SCARA5: variants seen among roughly 807,000 people sequenced by gnomAD.
SCARA5 encodes scavenger receptor class A, member 5 (putative).
A neutral mutation model predicts 46.3 loss-of-function variants in SCARA5; 45 were observed. The ratio of observed to expected loss-of-function variants is 0.97; its 90% CI spans 0.76 to 1.24. SCARA5 has a LOEUF of 1.24. Among genes scored for constraint, SCARA5 ranks in the 50% most tolerant of loss-of-function variants. The probability of loss-of-function intolerance (pLI) is 0.00; values close to 1 mark genes in which losing one functional copy is unlikely to be tolerated. For synonymous variants in SCARA5, 333 were observed against 306.5 expected, an observed-to-expected ratio of 1.09 and a Z score of -0.90; for missense variants, 680 against 689.0, an observed-to-expected ratio of 0.99 and a Z score of 0.15.
At chr8:27,991,529 C>T (rs986029918) in intron 1 of SCARA5, among the ~76,000 whole-genome samples, 2 of 152,170 alleles carry the variant, frequency 1.3e-5, no homozygotes, top group Non-Finnish European at 2.9e-5. Context: ...CCATTAATTC[C>T]TCCTCTGAGT....
At chr8:27,891,202 T>G (rs1296998927) in intron 7 of SCARA5, among the ~76,000 whole-genome samples, 2 of 50,528 alleles carry the variant, frequency 4.0e-5, no homozygotes, top group East Asian at 3.8e-4. Context: ...TAGGTTTGTT[T>G]TTTTTTTGTT....
chr8:27,921,989 C>G lies in SCARA5; in HGVS notation c.498G>C (p.Ala166=), dbSNP rs774192374. Residue 166 remains alanine (A), a synonymous_variant, in exon 4 of 9, where the codon GCG becomes GCC. Transcript: ENST00000354914. ...LQAQAVQTEQ[A]VALLRDRTGQ... ...CCGTGCGGTCCCGCAGCAGGGCCAC[C>G]GCCTGCTCGGTCTGCACCGCCTGCG... is the stretch of plus-strand genomic sequence containing the variant. The G allele has an allele frequency of 6.4e-7, 1 of 1,552,806 alleles. No homozygotes were observed. Among genetic ancestry groups the G allele is most frequent in the African/African-American group, 1.4e-5 (1 of 72,236 alleles).
intron 3 of SCARA5, among the ~76,000 whole-genome samples, chr8:27,939,714 T>TACTC (rs1807912822): frequency 6.6e-6 from 1 of 152,188 alleles, no homozygotes; most frequent in Admixed American, 6.5e-5. Context: ...CGTGGGAGTC[T>TACTC]ACTCAGTGCC....
chr8:27,901,557 C>T lies in SCARA5; in HGVS notation c.1153+3221G>A, dbSNP rs142420410. ...AGCCTTGGCTCTCCCCCACAGAGCC[C>T]GGGTCTCAGGGATATGGTTAATGCT... On this transcript the variant is annotated intron_variant, in intron 7 of 8. Transcript: ENST00000354914. Among the ~76,000 whole-genome samples the T allele has an allele frequency of 3.3e-4, 50 of 152,214 alleles. 1 individual carries two copies. In the East Asian group the frequency reaches 9.3e-3, roughly 28 times the overall value.
chr8:27,979,238 T>A (rs1808577354), intron 2 of SCARA5, among the ~76,000 whole-genome samples: 1 of 152,094 alleles, frequency 6.6e-6, no homozygotes, highest in South Asian at 2.1e-4. Context: ...AGGTTTCCTA[T>A]TTGACAGAAA....
At chr8:27,959,158 G>A (rs546273702) in intron 3 of SCARA5, among the ~76,000 whole-genome samples, 6 of 152,262 alleles carry the variant, frequency 3.9e-5, no homozygotes, top group African/African-American at 9.6e-5. Context: ...GCTTGAACCC[G>A]GGAGGCAGAG....
At chr8:27,899,532 G>T (rs1807116849) in intron 7 of SCARA5, among the ~76,000 whole-genome samples, 1 of 152,182 alleles carries the variant, frequency 6.6e-6, no homozygotes, top group Non-Finnish European at 1.5e-5. Context: ...CGAGAGGAAG[G>T]GTCTGTCTAC....
rs759765775 is a variant in SCARA5, at chr8:27,922,235, C to T, written c.252G>A (p.Pro84=). 12 of 1,558,440 alleles carry T rather than the reference C, an allele frequency of 7.7e-6. No individual in the cohort carries two copies. The South Asian group carries it at 1.5e-4, about 19-fold the overall frequency. ...VGIFILAVSR[P]RSSPDDLKAL... ...CCTTCAGGTCGTCAGGGGAGCTGCG[C>T]GGCCTGGACACTGCGGAGGAGGAAG... The change falls in exon 4 of 9, where the codon CCG becomes CCA. Residue 84 remains proline, a synonymous_variant. Coordinates refer to ENST00000354914, the MANE Select transcript of SCARA5 (RefSeq NM_173833.6).
chr8:27,974,151 T>C (rs555680544), intron 2 of SCARA5, among the ~76,000 whole-genome samples: 66 of 152,268 alleles, frequency 4.3e-4, no homozygotes, highest in Non-Finnish European at 6.9e-4. Context: ...TTCCCTGTAT[T>C]AAGCAGGCAG....
intron 2 of SCARA5, among the ~76,000 whole-genome samples, chr8:27,983,544 C>T (rs988850966): frequency 2.6e-5 from 4 of 152,204 alleles, no homozygotes; most frequent in Admixed American, 6.5e-5. Flanking sequence ...ACTCAGAGTC[C>T]GGTTCCAGCT....
rs569347849 is a variant in SCARA5, at chr8:27,884,420, C to T, written c.1154-4654G>A. Among the ~76,000 whole-genome samples, 27 of 152,386 alleles carry T rather than the reference C, an allele frequency of 1.8e-4. No homozygotes were observed. The South Asian group carries it at 5.2e-3, about 29-fold the overall frequency. ...AGAGGGACCCGGCCGCTGCGCGGGG[C>T]CTTGGCCCTGGGTTGGCTGAGGCCA... On this transcript the variant is annotated intron_variant, in intron 7 of 8. Coordinates refer to ENST00000354914, the MANE Select transcript of SCARA5 (RefSeq NM_173833.6).
intron 7 of SCARA5, among the ~76,000 whole-genome samples, chr8:27,895,537 A>G (rs934824741): frequency 6.6e-6 from 1 of 152,212 alleles, no homozygotes; most frequent in South Asian, 2.1e-4. Flanking sequence ...TTTTATTAGC[A>G]GTTCTCATGG....
intron 3 of SCARA5, among the ~76,000 whole-genome samples, chr8:27,957,979 A>G: frequency 6.6e-6 from 1 of 152,190 alleles, no homozygotes; most frequent in East Asian, 1.9e-4. Context: ...GCAGCCAAGC[A>G]GTACACAAAT....
intron 3 of SCARA5, among the ~76,000 whole-genome samples, chr8:27,944,995 C>A (rs1473422619): frequency 6.6e-6 from 1 of 151,958 alleles, no homozygotes; most frequent in Non-Finnish European, 1.5e-5. Context: ...GCAAAACCAT[C>A]TCTACTAAAA....
At chr8:27,969,407 G>C (rs1190513268) in intron 2 of SCARA5, among the ~76,000 whole-genome samples, 2 of 152,144 alleles carry the variant, frequency 1.3e-5, no homozygotes. Flanking sequence ...ATCTAAAAAA[G>C]CTACATACCG....
At chr8:27,963,171 C>A (rs1317250429) in intron 3 of SCARA5, among the ~76,000 whole-genome samples, 1 of 152,156 alleles carries the variant, frequency 6.6e-6, no homozygotes, top group Admixed American at 6.5e-5. Flanking sequence ...GATGACCACA[C>A]CCAGTCACCA....
At chr8:27,924,187 C>T (rs1440073778) in intron 3 of SCARA5, among the ~76,000 whole-genome samples, 1 of 152,090 alleles carries the variant, frequency 6.6e-6, no homozygotes, top group Non-Finnish European at 1.5e-5. Context: ...GAAATAAGGC[C>T]TGGTGGTGGG....
At chr8:27,965,513 C>T (rs914619972) in intron 3 of SCARA5, among the ~76,000 whole-genome samples, 2 of 131,624 alleles carry the variant, frequency 1.5e-5, no homozygotes, top group Non-Finnish European at 3.3e-5. Context: ...TGCCTTGAGG[C>T]AGGGCTCTAT....
At chr8:27,934,369 G>A (rs116695070) in intron 3 of SCARA5, among the ~76,000 whole-genome samples, 2,394 of 152,266 alleles carry the variant, frequency 0.016, 63 homozygotes, top group African/African-American at 0.054. Flanking sequence ...CTGGGAGGTC[G>A]CACTGTTTCA....
Sources: allele counts gnomAD v4.1 joint callset (sites outside exome capture counted in the v4.1 genomes callset), GRCh38; gene constraint gnomAD v4.1.1; transcripts MANE v1.5; gene names NCBI Gene and HGNC (gene_info 2026-07-23, HGNC 2026-07-21).